NKAIN2: variants seen among roughly 807,000 people sequenced by gnomAD.
The protein encoded by NKAIN2 is sodium/potassium transporting ATPase interacting 2.
NKAIN2 carries 14 observed loss-of-function variants against 32.6 expected under a neutral mutation model. The observed-to-expected ratio is 0.43, with a 90% CI of 0.28 to 0.67. NKAIN2 has a LOEUF of 0.67. Among genes scored for constraint, NKAIN2 ranks in the 30% least tolerant of loss-of-function variants. NKAIN2 has a pLI of 0.17. For missense variants in NKAIN2, 198 were observed against 258.3 expected, an observed-to-expected ratio of 0.77 and a Z score of 1.60; for synonymous variants, 80 against 87.2, an observed-to-expected ratio of 0.92 and a Z score of 0.46.
chr6:123,883,658 T>TA (rs71021468), intron 1 of NKAIN2, among the ~76,000 whole-genome samples: 5 of 145,218 alleles, frequency 3.4e-5, no homozygotes, highest in Admixed American at 2.1e-4. Context: ...AAATTTTTTT[T>TA]AAAATTTTAA....
intron 1 of NKAIN2, among the ~76,000 whole-genome samples, chr6:123,903,000 G>C (rs1466897482): frequency 6.6e-6 from 1 of 152,198 alleles, no homozygotes; most frequent in Non-Finnish European, 1.5e-5. Flanking sequence ...AGATCAGCTG[G>C]TAGTTAGTCA....
At chr6:124,351,525 GAAA>G (rs1204586593) in intron 2 of NKAIN2, among the ~76,000 whole-genome samples, 9 of 136,586 alleles carry the variant, frequency 6.6e-5, no homozygotes, top group African/African-American at 2.5e-4. Context: ...AAAAAAAAAA[GAAA>G]AGAAGAAGAA....
At chr6:124,785,318 C>A (rs1779450699) in intron 4 of NKAIN2, among the ~76,000 whole-genome samples, 1 of 151,998 alleles carries the variant, frequency 6.6e-6, no homozygotes. Context: ...TTTGTAATTG[C>A]TTATTGGAGC....
chr6:124,818,407 G>C lies in NKAIN2; in HGVS notation c.556G>C (p.Asp186His). 6.2e-7 allele frequency: 1 copy of C among 1,601,920 alleles called. No homozygotes were observed. Among genetic ancestry groups the C allele is most frequent in the Non-Finnish European group, 8.5e-7 (1 of 1,169,794 alleles). Reference sequence around the variant, plus strand: ...TTCAGTTGATTTCATAGGTGGCTTTGACTCTTATGGCTATCAAGGGCCTCA... The same window carrying C: ...TTCAGTTGATTTCATAGGTGGCTTTCACTCTTATGGCTATCAAGGGCCTCA... ...EDSFDFIGGF[D>H]SYGYQGPQKT... The change falls in exon 6 of 7, where the codon GAC becomes CAC. Residue 186 changes from aspartate to histidine, a missense_variant. Asp to His is a moderately conservative substitution (Grantham distance 81, BLOSUM62 -1). Coordinates refer to ENST00000368417, the MANE Select transcript of NKAIN2 (RefSeq NM_001040214.3).
intron 4 of NKAIN2, among the ~76,000 whole-genome samples, chr6:124,687,303 TAGAGA>T (rs1362311988): frequency 1.5e-4 from 22 of 142,106 alleles, no homozygotes; most frequent in African/African-American, 5.6e-4. Flanking sequence ...ATTCTATATA[TAGAGA>T]ATATATATGT....
At chr6:124,458,562 G>A (rs988433717) in intron 3 of NKAIN2, among the ~76,000 whole-genome samples, 4 of 151,522 alleles carry the variant, frequency 2.6e-5, no homozygotes, top group Non-Finnish European at 4.4e-5. Context: ...ATTATTAATC[G>A]GTCTTAAATT....
intron 4 of NKAIN2, among the ~76,000 whole-genome samples, chr6:124,746,713 A>G (rs1007912416): frequency 1.3e-5 from 2 of 151,886 alleles, no homozygotes; most frequent in Non-Finnish European, 2.9e-5. Flanking sequence ...TACAATGAGC[A>G]TTTAGTACTT....
chr6:123,849,961 T>G (rs1434224536), intron 1 of NKAIN2, among the ~76,000 whole-genome samples: 9 of 94,034 alleles, frequency 9.6e-5, no homozygotes, highest in African/African-American at 3.4e-4. Context: ...TTTTTTTTTT[T>G]GTTTGTTTGT....
intron 1 of NKAIN2, among the ~76,000 whole-genome samples, chr6:124,155,269 G>A (rs1787925938): frequency 6.6e-6 from 1 of 152,184 alleles, no homozygotes; most frequent in South Asian, 2.1e-4. Flanking sequence ...GATGACTCTA[G>A]TTAACATTAA....
chr6:124,606,042 G>A (rs952185868), intron 3 of NKAIN2, among the ~76,000 whole-genome samples: 2 of 152,016 alleles, frequency 1.3e-5, no homozygotes, highest in East Asian at 1.9e-4. Flanking sequence ...TTGGACTTTA[G>A]GAAAGACTTT....
At chr6:124,286,401 A>T (rs1795542452) in intron 2 of NKAIN2, among the ~76,000 whole-genome samples, 1 of 152,084 alleles carries the variant, frequency 6.6e-6, no homozygotes, top group South Asian at 2.1e-4. Flanking sequence ...AACAATTTTA[A>T]GGCTTTTACT....
intron 1 of NKAIN2, among the ~76,000 whole-genome samples, chr6:124,197,836 G>GTTT (rs1562416734): frequency 3.6e-5 from 3 of 82,566 alleles, no homozygotes; most frequent in African/African-American, 1.2e-4. Flanking sequence ...ACCTGTGTCT[G>GTTT]GTTTTTTTTT....
chr6:124,525,356 C>A (rs557708778), intron 3 of NKAIN2, among the ~76,000 whole-genome samples: 6 of 151,776 alleles, frequency 4.0e-5, no homozygotes, highest in Non-Finnish European at 8.8e-5. Context: ...AAATTTGTAT[C>A]TATTATTAAC....
intron 3 of NKAIN2, among the ~76,000 whole-genome samples, chr6:124,473,346 AG>A (rs758666754): frequency 3.3e-5 from 5 of 152,192 alleles, no homozygotes; most frequent in Admixed American, 6.6e-5. Context: ...AACAGATAAA[AG>A]TTCTTACAAA....
At chr6:123,823,372 A>G (rs1774004987) in intron 1 of NKAIN2, 1 of 152,190 alleles carries the variant, frequency 6.6e-6, no homozygotes, top group South Asian at 2.1e-4. Flanking sequence ...GTGTTGACAG[A>G]TGGGATAGTT....
At chr6:124,139,452 T>A (rs1363221874) in intron 1 of NKAIN2, among the ~76,000 whole-genome samples, 1 of 152,190 alleles carries the variant, frequency 6.6e-6, no homozygotes, top group Non-Finnish European at 1.5e-5. Context: ...CTGTAAGCTG[T>A]TAAAAGTAGG....
chr6:124,726,481 A>G (rs1431420815), intron 4 of NKAIN2, among the ~76,000 whole-genome samples: 1 of 151,120 alleles, frequency 6.6e-6, no homozygotes, highest in South Asian at 2.1e-4. Context: ...ATTCCAACAG[A>G]CCTGCAGCTG....
In NKAIN2 at chr6:124,227,655, A is replaced by G. The variant is rs559023472; in HGVS notation, c.55-55350A>G. Among the ~76,000 whole-genome samples, 3 of 152,236 alleles carry G rather than the reference A, an allele frequency of 2.0e-5. No individual in the cohort carries two copies. The East Asian group carries it at 5.8e-4, about 29-fold the overall frequency. ...CAAGTTTCATTAATAGCTGCTTTTCATTCATTAAGGACTTATTATTTTGGA... is the reference window on the plus strand; with the variant it reads ...CAAGTTTCATTAATAGCTGCTTTTCGTTCATTAAGGACTTATTATTTTGGA... On this transcript the variant is annotated intron_variant, in intron 1 of 6. Transcript: ENST00000368417.
intron 1 of NKAIN2, among the ~76,000 whole-genome samples, chr6:124,208,722 C>A (rs802233): frequency 0.79 from 119,790 of 150,936 alleles, 47,765 homozygotes; most frequent in Non-Finnish European, 0.84. Context: ...TTATATTTGA[C>A]AGGAAATTCC....
Sources: gnomAD v4.1 joint callset for allele counts (sites outside exome capture counted in the v4.1 genomes callset) on GRCh38, gnomAD v4.1.1 for gene constraint, MANE v1.5 for transcripts, NCBI Gene and HGNC (gene_info 2026-07-23, HGNC 2026-07-21) for gene names.